The following RPTOR variants were observed in gnomAD, a reference collection of about 807,000 sequenced individuals.
RPTOR encodes regulatory associated protein of MTOR complex 1.
In RPTOR, 21 loss-of-function variants were observed where a neutral mutation model predicts 169.9. The observed-to-expected ratio is 0.12, with a 90% confidence interval of 0.09 to 0.18. The LOEUF (loss-of-function observed/expected upper bound fraction) is 0.18. Among genes scored for constraint, RPTOR ranks in the 10% least tolerant of loss-of-function variants. The pLI is 1.00. For synonymous variants in RPTOR, 732 were observed against 753.2 expected, an observed-to-expected ratio of 0.97 and a Z score of 0.46; for missense variants, 1,133 against 1,855.9, an observed-to-expected ratio of 0.61 and a Z score of 7.16.
At chr17:80,809,607 G>A (rs1028483701) in intron 7 of RPTOR, among the ~76,000 whole-genome samples, 1 of 152,194 alleles carries the variant, frequency 6.6e-6, no homozygotes, top group African/African-American at 2.4e-5. Context: ...TTAATAAAAT[G>A]GATGTTCAAG....
At chr17:80,826,989 A>T (rs1284980456) in intron 9 of RPTOR, among the ~76,000 whole-genome samples, 4 of 152,128 alleles carry the variant, frequency 2.6e-5, no homozygotes, top group Non-Finnish European at 5.9e-5. Context: ...GCATGAAGGG[A>T]GCTTTAGTCA....
chr17:80,602,743 C>T, intron 1 of RPTOR: 1 of 764,714 alleles, frequency 1.3e-6, no homozygotes. Flanking sequence ...TCAATGCACA[C>T]ATCTGGAGTT....
intron 20 of RPTOR, among the ~76,000 whole-genome samples, chr17:80,897,938 A>T (rs2068426817): frequency 6.6e-6 from 1 of 152,136 alleles, no homozygotes; most frequent in African/African-American, 2.4e-5. Context: ...TCAGGAGTGT[A>T]CCCTCATTCC....
intron 3 of RPTOR, among the ~76,000 whole-genome samples, chr17:80,680,330 G>A (rs1259822282): frequency 6.6e-6 from 1 of 152,126 alleles, no homozygotes; most frequent in Admixed American, 6.5e-5. Context: ...CCTCTGAAGG[G>A]GGTTTGTTAA....
At chr17:80,752,094 A>G (rs2066636285) in intron 5 of RPTOR, among the ~76,000 whole-genome samples, 1 of 152,238 alleles carries the variant, frequency 6.6e-6, no homozygotes, top group African/African-American at 2.4e-5. Context: ...TGACATGCCC[A>G]GGCATCACAT....
At chr17:80,608,649 T>C (rs1380397312) in intron 1 of RPTOR, among the ~76,000 whole-genome samples, 1 of 152,152 alleles carries the variant, frequency 6.6e-6, no homozygotes, top group African/African-American at 2.4e-5. Flanking sequence ...AGACAAAGGC[T>C]GGGTGCATTG....
intron 1 of RPTOR, among the ~76,000 whole-genome samples, chr17:80,552,367 T>C (rs1568299557): frequency 6.6e-6 from 1 of 152,196 alleles, no homozygotes; most frequent in Non-Finnish European, 1.5e-5. Context: ...ACCTGGCCCC[T>C]TCTCGTCGTT....
intron 12 of RPTOR, among the ~76,000 whole-genome samples, chr17:80,857,426 C>T (rs1432450454): frequency 1.3e-5 from 2 of 152,338 alleles, no homozygotes; most frequent in East Asian, 1.9e-4. Flanking sequence ...GGCCGTGGCT[C>T]GTACGTGAGC....
intron 7 of RPTOR, among the ~76,000 whole-genome samples, chr17:80,809,084 C>G (rs1271734637): frequency 1.3e-5 from 2 of 152,260 alleles, no homozygotes; most frequent in Non-Finnish European, 2.9e-5. Flanking sequence ...AAGAAATTGT[C>G]CAACTGTTTT....
chr17:80,616,792 T>C (rs540786826), intron 1 of RPTOR, among the ~76,000 whole-genome samples: 10 of 152,146 alleles, frequency 6.6e-5, no homozygotes, highest in Non-Finnish European at 1.2e-4. Flanking sequence ...CCCTTTGCTA[T>C]ACTTACTTTA....
intron 33 of RPTOR, among the ~76,000 whole-genome samples, chr17:80,963,820 C>T (rs1242671335): frequency 4.6e-5 from 7 of 152,030 alleles, no homozygotes; most frequent in Non-Finnish European, 4.4e-5. Context: ...GTCCGCTGTG[C>T]GGCCGAGTCC....
At chr17:80,767,933 A>G (rs1379009968) in intron 6 of RPTOR, among the ~76,000 whole-genome samples, 1 of 152,052 alleles carries the variant, frequency 6.6e-6, no homozygotes, top group Admixed American at 6.5e-5. Flanking sequence ...GTGCAATCTC[A>G]GCTCACTGCA....
intron 4 of RPTOR, chr17:80,709,137 A>G: frequency 1.0e-6 from 1 of 968,376 alleles, no homozygotes. Flanking sequence ...CTCCTCCCGC[A>G]GGGCACAGGG....
intron 1 of RPTOR, among the ~76,000 whole-genome samples, chr17:80,578,804 T>C (rs1401208074): frequency 6.6e-6 from 1 of 152,130 alleles, no homozygotes; most frequent in African/African-American, 2.4e-5. Context: ...GGACACAGCC[T>C]GGCGCTTGCT....
In RPTOR at chr17:80,844,044, C is replaced by T. The variant is rs1376591421; in HGVS notation, c.1213-2429C>T. On this transcript the variant is annotated intron_variant, in intron 10 of 33. Coordinates refer to ENST00000306801, the MANE Select transcript of RPTOR (RefSeq NM_020761.3). This position sits in a 1 kb window ranked among gnomAD's most constrained non-coding sequence, Gnocchi z 4.7. ...TCGCTGAATGGACTTCGCTCCCCTGCACGCAGGGGCCAGCTCAGGAGCTCT... is the reference window on the plus strand; with the variant it reads ...TCGCTGAATGGACTTCGCTCCCCTGTACGCAGGGGCCAGCTCAGGAGCTCT... 6.6e-6 allele frequency among the ~76,000 whole-genome samples: 1 copy of T among 152,178 alleles called. No homozygotes were observed. Among genetic ancestry groups the T allele is most frequent in the Non-Finnish European group, 1.5e-5 (1 of 68,028 alleles).
chr17:80,772,720 G>A (rs565402389), intron 6 of RPTOR, among the ~76,000 whole-genome samples: 15 of 151,946 alleles, frequency 9.9e-5, no homozygotes, highest in Admixed American at 2.0e-4. Flanking sequence ...GAGTTTGTAA[G>A]CAAAAATCTT....
intron 3 of RPTOR, among the ~76,000 whole-genome samples, chr17:80,647,153 G>T (rs1213702825): frequency 2.0e-5 from 3 of 152,130 alleles, no homozygotes. Context: ...GGCCCATTGA[G>T]CCCTTTTCTA....
intron 13 of RPTOR, among the ~76,000 whole-genome samples, chr17:80,859,416 T>TG (rs998707237): frequency 2.4e-4 from 37 of 152,198 alleles, no homozygotes; most frequent in African/African-American, 8.7e-4. Context: ...GCAGGGTTGT[T>TG]GGGGACAAAG....
At chr17:80,923,986 T>C in intron 23 of RPTOR, 1 of 398,402 alleles carries the variant, frequency 2.5e-6, no homozygotes, top group Non-Finnish European at 4.5e-6. Context: ...TCTGGGCAGC[T>C]TCCATGTAAC....
Sources: allele counts gnomAD v4.1 joint callset (sites outside exome capture counted in the v4.1 genomes callset), GRCh38; gene constraint gnomAD v4.1.1; non-coding constraint Gnocchi (gnomAD v3.1); transcripts MANE v1.5; gene names NCBI Gene and HGNC (gene_info 2026-07-23, HGNC 2026-07-21).